HPSE2: variants seen among roughly 807,000 people sequenced by gnomAD.
HPSE2 encodes the protein heparanase 2 (inactive), also known as inactive heparanase-2.
A neutral mutation model predicts 60.5 loss-of-function variants in HPSE2; 38 were observed. That is an observed-to-expected ratio of 0.63 (90% CI 0.48 to 0.82). The LOEUF (loss-of-function observed/expected upper bound fraction) is 0.82. Among genes scored for constraint, HPSE2 ranks in the 40% least tolerant of loss-of-function variants. The probability of loss-of-function intolerance (pLI) is 0.00; values close to 1 mark genes in which losing one functional copy is unlikely to be tolerated. For missense variants in HPSE2, 713 were observed against 740.4 expected (o/e 0.96, Z 0.43); for synonymous variants, 295 against 293.2 (o/e 1.01, Z -0.06).
At chr10:99,296,904 T>C in the HPSE2 span, among the ~76,000 whole-genome samples, 9 of 152,174 alleles carry the variant, frequency 5.9e-5, no homozygotes, top group East Asian at 7.7e-4. Context: ...TGGACAGCAG[T>C]TGGCAGGAAG....
intron 3 of HPSE2, among the ~76,000 whole-genome samples, chr10:99,012,150 G>C (rs1957032765): frequency 6.6e-6 from 1 of 151,884 alleles, no homozygotes; most frequent in Non-Finnish European, 1.5e-5. Context: ...GAGTAGACAT[G>C]TTTCACACAA....
At chr10:99,015,865 T>G (rs10786495) in intron 3 of HPSE2, among the ~76,000 whole-genome samples, 116,196 of 152,076 alleles carry the variant, frequency 0.76, 44,774 homozygotes, top group East Asian at 0.86. Flanking sequence ...TTCTGTTCAC[T>G]TCCTTTGCCC....
At chr10:98,505,869 C>T (rs935878177) in intron 9 of HPSE2, among the ~76,000 whole-genome samples, 6 of 152,084 alleles carry the variant, frequency 3.9e-5, no homozygotes, top group African/African-American at 1.4e-4. Flanking sequence ...CTCTATTCTG[C>T]CCTGTTTCTT....
At chr10:98,844,366 G>A (rs750117433) in intron 3 of HPSE2, among the ~76,000 whole-genome samples, 1 of 152,002 alleles carries the variant, frequency 6.6e-6, no homozygotes, top group Non-Finnish European at 1.5e-5. Flanking sequence ...TACATTTTGG[G>A]GTGTTAGGTC....
chr10:99,137,576 C>T (rs1845708110), intron 3 of HPSE2, among the ~76,000 whole-genome samples: 1 of 152,152 alleles, frequency 6.6e-6, no homozygotes, highest in East Asian at 1.9e-4. Context: ...ACAGAGGCCT[C>T]AGAAATAACA....
At position 99,235,195 on chromosome 10, in the gene HPSE2, CTT is replaced by C. The variant is rs1411924366; in HGVS notation, c.290+316_290+317del. On this transcript the variant is annotated intron_variant, in intron 1 of 11. Coordinates refer to ENST00000370552, the MANE Select transcript of HPSE2 (RefSeq NM_021828.5). ...TCGCTTTTGTAACTGCTCTGAACCT[CTT>C]GTTTCTTTTTCAGAAGTAGACGGGA... is the stretch of plus-strand genomic sequence containing the variant. Among the ~76,000 whole-genome samples the C allele has an allele frequency of 5.9e-5, 9 of 152,194 alleles. 1 individual carries two copies. In the South Asian group the frequency reaches 1.5e-3, roughly 25 times the overall value.
chr10:98,972,676 C>T (rs1344669979), intron 3 of HPSE2, among the ~76,000 whole-genome samples: 1 of 152,122 alleles, frequency 6.6e-6, no homozygotes, highest in East Asian at 1.9e-4. Flanking sequence ...AACTTTGCTA[C>T]TGTCTTTCCT....
At chr10:98,795,182 C>T (rs1950752284) in intron 3 of HPSE2, among the ~76,000 whole-genome samples, 1 of 152,182 alleles carries the variant, frequency 6.6e-6, no homozygotes, top group African/African-American at 2.4e-5. Context: ...CAACTGTTTG[C>T]ACACAGAAAA....
intron 3 of HPSE2, among the ~76,000 whole-genome samples, chr10:98,837,612 C>T (rs1389517808): frequency 6.6e-6 from 1 of 152,130 alleles, no homozygotes; most frequent in African/African-American, 2.4e-5. Flanking sequence ...TGGTGGCTCA[C>T]GCCTGTAATC....
rs117024701 is a variant in HPSE2, at chr10:99,131,438, C to T, written c.610+12800G>A. 7.4e-4 allele frequency among the ~76,000 whole-genome samples: 112 copies of T among 152,080 alleles called. 1 individual carries two copies. In the East Asian group the frequency reaches 0.015, roughly 20 times the overall value. The stretch of plus-strand genomic sequence containing the variant: ...TGCAAAAATACAGAACTAGACTAAA[C>T]GCTCAACAACCAACAAGTAGATAAA... On this transcript the variant is annotated intron_variant, in intron 3 of 11. Transcript: ENST00000370552.
intron 2 of HPSE2, among the ~76,000 whole-genome samples, chr10:99,211,637 T>C (rs954454162): frequency 4.6e-5 from 7 of 152,064 alleles, no homozygotes; most frequent in African/African-American, 1.7e-4. Context: ...ATAAATGGTG[T>C]TGAGAAACTG....
intron 4 of HPSE2, among the ~76,000 whole-genome samples, chr10:98,740,637 AG>A (rs1949474491): frequency 6.6e-6 from 1 of 152,240 alleles, no homozygotes; most frequent in Non-Finnish European, 1.5e-5. Context: ...CCACTCTAGA[AG>A]AAACAATCAC....
rs10717237 is a variant in HPSE2 at position 98,849,016 on chromosome 10, CAA to C, written c.611-104962_611-104961del. 1.1e-3 allele frequency among the ~76,000 whole-genome samples: 152 copies of C among 140,432 alleles called. 1 individual carries two copies. Among genetic ancestry groups the C allele is most frequent in the East Asian group, 5.2e-3 (25 of 4,782 alleles). The allele number at this position is 140,432 out of a possible 152,430, so 92.1% of individuals were successfully genotyped here. ...AACGCCCACAGTCGAGTGGGAAAGACAAAAAAAAAAAAATTATAATTTCATAG... is the reference window on the plus strand; with the variant it reads ...AACGCCCACAGTCGAGTGGGAAAGACAAAAAAAAAAATTATAATTTCATAG... On this transcript the variant is annotated intron_variant, in intron 3 of 11. Transcript: ENST00000370552.
At chr10:98,823,153 G>A (rs1460251075) in intron 3 of HPSE2, among the ~76,000 whole-genome samples, 1 of 152,136 alleles carries the variant, frequency 6.6e-6, no homozygotes, top group Non-Finnish European at 1.5e-5. Flanking sequence ...ATCTGAAAAG[G>A]TCAAGGAAAC....
At chr10:99,081,581 A>AGATGATGAT (rs34159388) in intron 3 of HPSE2, among the ~76,000 whole-genome samples, 3,373 of 147,380 alleles carry the variant, frequency 0.023, 54 homozygotes, top group Middle Eastern at 0.038. Context: ...CTACTACTAA[A>AGATGATGAT]GATGATGATG....
chr10:98,501,766 G>A (rs1022023557), intron 9 of HPSE2, among the ~76,000 whole-genome samples: 2 of 152,168 alleles, frequency 1.3e-5, no homozygotes, highest in African/African-American at 4.8e-5. Context: ...GTCACTGTGT[G>A]CTGATGATAT....
At chr10:98,936,978 C>CAAAAAAA (rs1214450704) in intron 3 of HPSE2, among the ~76,000 whole-genome samples, 8 of 31,018 alleles carry the variant, frequency 2.6e-4, no homozygotes, top group African/African-American at 8.3e-4. Flanking sequence ...GACTCCATCT[C>CAAAAAAA]AAAAAAAAAA....
At chr10:98,608,371 T>C (rs142984159) in intron 9 of HPSE2, among the ~76,000 whole-genome samples, 15 of 152,336 alleles carry the variant, frequency 9.8e-5, no homozygotes, top group Non-Finnish European at 2.1e-4. Context: ...GCGTGAGCTG[T>C]TGCAACTGCT....
chr10:98,609,839 CTTTTTTTTTTTTTTT>C (rs34422929), intron 9 of HPSE2, among the ~76,000 whole-genome samples: 1 of 126,176 alleles, frequency 7.9e-6, no homozygotes, highest in East Asian at 2.2e-4. Context: ...TCTTCTTCTT[CTTTTTTTTTTTTTTT>C]TTTTTGAGAC....
Sources: allele counts gnomAD v4.1 joint callset (sites outside exome capture counted in the v4.1 genomes callset), GRCh38; gene constraint gnomAD v4.1.1; transcripts MANE v1.5; gene names NCBI Gene and HGNC (gene_info 2026-07-23, HGNC 2026-07-21).